The following HMBOX1 variants were observed in gnomAD, a reference collection of about 807,000 sequenced individuals.
HMBOX1 encodes the protein homeobox containing 1, also known as homeobox-containing protein 1.
Under a neutral mutation model 54.5 loss-of-function variants are expected in HMBOX1, and 14 were observed. The ratio of observed to expected loss-of-function variants is 0.26; its 90% CI spans 0.17 to 0.40. HMBOX1 has a LOEUF of 0.40. Among genes scored for constraint, HMBOX1 ranks in the 10% least tolerant of loss-of-function variants. The probability of loss-of-function intolerance (pLI) is 1.00; values close to 1 mark genes in which losing one functional copy is unlikely to be tolerated. For synonymous variants in HMBOX1, 160 were observed against 181.0 expected (o/e 0.88, Z 0.93); for missense variants, 332 against 514.4 (o/e 0.65, Z 3.43).
At chr8:29,022,401 G>A (rs1801329233) in intron 6 of HMBOX1, among the ~76,000 whole-genome samples, 1 of 152,198 alleles carries the variant, frequency 6.6e-6, no homozygotes, top group Non-Finnish European at 1.5e-5. Context: ...CTGGGTGACA[G>A]AGAAAGACCC....
intron 6 of HMBOX1, among the ~76,000 whole-genome samples, chr8:29,024,978 G>A (rs1168144092): frequency 4.0e-5 from 6 of 149,578 alleles, no homozygotes; most frequent in African/African-American, 1.5e-4. Flanking sequence ...CCCCCACCCC[G>A]TCGGTGGAAA....
At chr8:28,955,639 G>A (rs1031158787) in intron 1 of HMBOX1, among the ~76,000 whole-genome samples, 17 of 152,096 alleles carry the variant, frequency 1.1e-4, no homozygotes, top group Middle Eastern at 6.8e-3. Context: ...TGTGTTGATC[G>A]AAACAACTCT....
intron 3 of HMBOX1, among the ~76,000 whole-genome samples, chr8:28,972,652 G>A (rs1827624432): frequency 6.6e-6 from 1 of 152,140 alleles, no homozygotes; most frequent in Non-Finnish European, 1.5e-5. Context: ...GTTTTGATAA[G>A]CTTTTGACAT....
chr8:29,005,918 G>A (rs752188490), intron 4 of HMBOX1, among the ~76,000 whole-genome samples: 3 of 151,804 alleles, frequency 2.0e-5, no homozygotes, highest in Non-Finnish European at 4.4e-5. Flanking sequence ...TTCATATAGT[G>A]GTAGTTTATC....
chr8:28,952,987 C>T (rs893385960), intron 1 of HMBOX1, among the ~76,000 whole-genome samples: 1 of 152,200 alleles, frequency 6.6e-6, no homozygotes, highest in African/African-American at 2.4e-5. Flanking sequence ...TACAGTTCTG[C>T]TAAGACAAGG....
rs1245863502 is a variant in HMBOX1 at position 29,009,858 on chromosome 8, A to G, written c.697+676A>G. On this transcript the variant is annotated intron_variant, in intron 5 of 9. Coordinates refer to ENST00000287701, the MANE Select transcript of HMBOX1 (RefSeq NM_001135726.3). ...AAGTGAAATCTGAAGTTATGGGACT[A>G]TCTCAATCTATACTTTACACAGGCA... The G allele has an allele frequency of 4.2e-6, 5 of 1,187,220 alleles. No homozygotes were observed. In the African/African-American group the frequency reaches 8.1e-5, roughly 19 times the overall value. The allele number at this position is 1,187,220 out of a possible 1,614,324, so 73.5% of individuals were successfully genotyped here.
At chr8:29,010,554 C>T (rs75949489) in intron 5 of HMBOX1, among the ~76,000 whole-genome samples, 7 of 145,714 alleles carry the variant, frequency 4.8e-5, no homozygotes, top group Admixed American at 4.1e-4. Flanking sequence ...AGACCTGTCT[C>T]AAAAAAAAAA....
intron 1 of HMBOX1, among the ~76,000 whole-genome samples, chr8:28,938,897 C>T (rs1294367481): frequency 6.6e-6 from 1 of 152,130 alleles, no homozygotes; most frequent in Non-Finnish European, 1.5e-5. Flanking sequence ...GGGCTCAGGC[C>T]TGCAATCCCA....
intron 6 of HMBOX1, chr8:29,042,545 T>C (rs1804994956): frequency 2.3e-6 from 1 of 433,010 alleles, no homozygotes. Flanking sequence ...AAAAGACCAA[T>C]AGAATTCCCA....
chr8:28,955,391 T>C (rs1824234798), intron 1 of HMBOX1, among the ~76,000 whole-genome samples: 1 of 152,202 alleles, frequency 6.6e-6, no homozygotes, highest in South Asian at 2.1e-4. Context: ...GAGATGTGCA[T>C]ATGTATGTCT....
chr8:28,996,964 C>G (rs1831953907), intron 4 of HMBOX1, among the ~76,000 whole-genome samples: 1 of 152,014 alleles, frequency 6.6e-6, no homozygotes. Flanking sequence ...TGCAACCATG[C>G]TGAATTCATT....
At chr8:28,911,733 C>G (rs978432374) in intron 1 of HMBOX1, among the ~76,000 whole-genome samples, 2 of 152,046 alleles carry the variant, frequency 1.3e-5, no homozygotes, top group African/African-American at 4.8e-5. Context: ...AGGGTTCGTT[C>G]TGGTTGTGAC....
chr8:28,972,169 A>AG (rs1827543630), intron 3 of HMBOX1, among the ~76,000 whole-genome samples: 2 of 152,218 alleles, frequency 1.3e-5, no homozygotes, highest in African/African-American at 2.4e-5. Flanking sequence ...TAATACCTGT[A>AG]ATGAATAATT....
upstream of HMBOX1, chr8:28,890,223 A>T: frequency 4.4e-6 from 1 of 226,016 alleles, no homozygotes. Context: ...TGTAGTCCCG[A>T]CGGCTCCGAC....
intron 1 of HMBOX1, among the ~76,000 whole-genome samples, chr8:28,910,839 G>T (rs543193664): frequency 6.6e-6 from 1 of 152,018 alleles, no homozygotes; most frequent in African/African-American, 2.4e-5. Context: ...TTACTGATTT[G>T]TTTTGAAAGG....
At chr8:28,953,590 C>G (rs1586053280) in intron 1 of HMBOX1, among the ~76,000 whole-genome samples, 1 of 151,602 alleles carries the variant, frequency 6.6e-6, no homozygotes, top group South Asian at 2.1e-4. Context: ...AGTGGTTAAG[C>G]CTTTTTATAC....
intron 5 of HMBOX1, among the ~76,000 whole-genome samples, chr8:29,016,416 AATT>A (rs1331840220): frequency 6.6e-5 from 10 of 152,254 alleles, no homozygotes; most frequent in Admixed American, 4.6e-4. Flanking sequence ...ACATTTGAAT[AATT>A]AATAATAGTG....
At position 29,053,107 on chromosome 8, in the gene HMBOX1, T is replaced by C. The variant is rs1806588939; in HGVS notation, c.*1952T>C. ...ACTGCATCATTTCCTTATCTGTTAA[T>C]CCTGCTTATGTGAGTGTGAGGAAAG... On this transcript the variant is annotated 3_prime_UTR_variant, in exon 10 of 10. Coordinates refer to ENST00000287701, the MANE Select transcript of HMBOX1 (RefSeq NM_001135726.3). 1.3e-5 allele frequency: 2 copies of C among 152,592 alleles called. No homozygotes were observed. Among genetic ancestry groups the C allele is most frequent in the Non-Finnish European group, 2.9e-5 (2 of 68,040 alleles). The allele number at this position is 152,592 out of a possible 1,614,324, so 9.5% of individuals were successfully genotyped here.
intron 1 of HMBOX1, among the ~76,000 whole-genome samples, chr8:28,936,850 A>T (rs1585921830): frequency 6.6e-6 from 1 of 151,096 alleles, no homozygotes; most frequent in East Asian, 1.9e-4. Context: ...AGTTGTGCTG[A>T]GGGTTTTGGG....
Sources: allele counts gnomAD v4.1 joint callset (sites outside exome capture counted in the v4.1 genomes callset), GRCh38; gene constraint gnomAD v4.1.1; transcripts MANE v1.5; gene names NCBI Gene and HGNC (gene_info 2026-07-23, HGNC 2026-07-21).